Variants in DPYD observed in about 807,000 individuals in gnomAD.
DPYD encodes the protein dihydropyrimidine dehydrogenase [NADP(+)].
DPYD carries 109 observed loss-of-function variants against 116.2 expected under a neutral mutation model. The ratio of observed to expected loss-of-function variants is 0.94; its 90% CI spans 0.80 to 1.10. The LOEUF (loss-of-function observed/expected upper bound fraction) is 1.10. Ranked by LOEUF, DPYD falls within the 50% of genes least tolerant of loss-of-function variation. DPYD has a pLI of 0.00. For missense variants in DPYD, 1,302 were observed against 1,254.5 expected, an observed-to-expected ratio of 1.04 and a Z score of -0.57; for synonymous variants, 440 against 432.0, an observed-to-expected ratio of 1.02 and a Z score of -0.23.
chr1:97,786,340 T>C (rs1207259901), intron 3 of DPYD, among the ~76,000 whole-genome samples: 1 of 152,220 alleles, frequency 6.6e-6, no homozygotes, highest in East Asian at 1.9e-4. Context: ...ACAAGTGTGA[T>C]ATGTAAAAAT....
chr1:97,517,134 T>C (rs1046710298), intron 12 of DPYD, among the ~76,000 whole-genome samples: 1 of 152,060 alleles, frequency 6.6e-6, no homozygotes, highest in Non-Finnish European at 1.5e-5. Context: ...AACTTGTCAA[T>C]TGAAACACTA....
chr1:97,850,854 A>G (rs1670535857), intron 2 of DPYD, among the ~76,000 whole-genome samples: 1 of 152,116 alleles, frequency 6.6e-6, no homozygotes, highest in Admixed American at 6.5e-5. Flanking sequence ...TATATTAAAA[A>G]TCAAATCAAT....
At chr1:97,174,669 A>T (rs1401820969) in intron 20 of DPYD, among the ~76,000 whole-genome samples, 1 of 152,146 alleles carries the variant, frequency 6.6e-6, no homozygotes, top group South Asian at 2.1e-4. Context: ...TGTCTTTAGT[A>T]TTTCTTATAT....
At chr1:97,595,190 A>C in intron 8 of DPYD, 24 bp from the exon 9 acceptor site, 1 of 1,592,390 alleles carries the variant, frequency 6.3e-7, no homozygotes, top group Non-Finnish European at 8.6e-7. Flanking sequence ...TTTATAAAAT[A>C]TCATTAGCAG....
chr1:97,517,003 T>C (rs1488456746), intron 12 of DPYD, among the ~76,000 whole-genome samples: 7 of 152,126 alleles, frequency 4.6e-5, no homozygotes, highest in Non-Finnish European at 1.0e-4. Context: ...AGCAGAACTT[T>C]AATTTTATAG....
At chr1:97,542,885 T>C (rs747089345) in intron 12 of DPYD, among the ~76,000 whole-genome samples, 1 of 152,154 alleles carries the variant, frequency 6.6e-6, no homozygotes, top group Non-Finnish European at 1.5e-5. Context: ...ACCTAAAATA[T>C]CCTATTTCAA....
At chr1:97,808,190 G>A (rs1193755008) in intron 3 of DPYD, among the ~76,000 whole-genome samples, 1 of 152,040 alleles carries the variant, frequency 6.6e-6, no homozygotes, top group Non-Finnish European at 1.5e-5. Context: ...TGAATCTGTG[G>A]AACAATTTGG....
chr1:97,854,887 A>C (rs956020967), intron 2 of DPYD: 4 of 152,314 alleles, frequency 2.6e-5, no homozygotes, highest in Non-Finnish European at 5.9e-5. Context: ...AGCACTGGCC[A>C]AGCCTAGGAG....
intron 13 of DPYD, among the ~76,000 whole-genome samples, chr1:97,481,422 T>G (rs746133857): frequency 6.6e-6 from 1 of 152,206 alleles, no homozygotes; most frequent in Non-Finnish European, 1.5e-5. Context: ...TATATATACT[T>G]TTAAATGAGT....
intron 3 of DPYD, among the ~76,000 whole-genome samples, chr1:97,772,716 A>C (rs1666206721): frequency 6.6e-6 from 1 of 152,228 alleles, no homozygotes; most frequent in Non-Finnish European, 1.5e-5. Context: ...GGAAACTGGT[A>C]AGTAGAGGAG....
chr1:97,451,651 A>G (rs1676418311), intron 13 of DPYD, among the ~76,000 whole-genome samples: 1 of 152,148 alleles, frequency 6.6e-6, no homozygotes, highest in African/African-American at 2.4e-5. Flanking sequence ...ACGAAGCTCA[A>G]GCCTTGTGGG....
chr1:97,809,133 G>T (rs1175834682), intron 3 of DPYD, among the ~76,000 whole-genome samples: 1 of 152,140 alleles, frequency 6.6e-6, no homozygotes, highest in Non-Finnish European at 1.5e-5. Flanking sequence ...TTGAACAGAA[G>T]AGAAATATGA....
intron 2 of DPYD, among the ~76,000 whole-genome samples, chr1:97,843,075 C>A (rs937081096): frequency 6.6e-6 from 1 of 152,076 alleles, no homozygotes. Context: ...AGTCTCAAGC[C>A]TGAACAATCC....
chr1:97,466,060 C>T (rs1677305278), intron 13 of DPYD, among the ~76,000 whole-genome samples: 1 of 152,152 alleles, frequency 6.6e-6, no homozygotes, highest in African/African-American at 2.4e-5. Flanking sequence ...ATGATTGCAC[C>T]ACTGCACTCC....
At chr1:97,756,125 A>C (rs1665215924) in intron 3 of DPYD, among the ~76,000 whole-genome samples, 1 of 152,184 alleles carries the variant, frequency 6.6e-6, no homozygotes, top group Admixed American at 6.5e-5. Flanking sequence ...CAAGCCAACC[A>C]AGGGGGAACA....
At chr1:97,558,371 T>A (rs1197265080) in intron 11 of DPYD, among the ~76,000 whole-genome samples, 2 of 152,182 alleles carry the variant, frequency 1.3e-5, no homozygotes, top group African/African-American at 4.8e-5. Flanking sequence ...GTAGTATTTG[T>A]CCATTCCATT....
chr1:97,758,196 T>C (rs571291903), intron 3 of DPYD, among the ~76,000 whole-genome samples: 121 of 152,300 alleles, frequency 7.9e-4, no homozygotes, highest in Middle Eastern at 3.4e-3. Context: ...CAACAAATTA[T>C]ATAACCTTTA....
chr1:97,109,763 GATC>G (rs1190246230), intron 20 of DPYD, among the ~76,000 whole-genome samples: 1 of 152,036 alleles, frequency 6.6e-6, no homozygotes, highest in African/African-American at 2.4e-5. Flanking sequence ...GGAATGAAAT[GATC>G]ATCATTTTGA....
intron 18 of DPYD, among the ~76,000 whole-genome samples, chr1:97,301,484 A>T (rs577990865): frequency 1.3e-5 from 2 of 152,082 alleles, no homozygotes; most frequent in South Asian, 4.1e-4. Context: ...TCATTATTTC[A>T]ATTTAAGTGC....
Sources: allele counts gnomAD v4.1 joint callset (sites outside exome capture counted in the v4.1 genomes callset), GRCh38; gene constraint gnomAD v4.1.1; transcripts MANE v1.5; gene names NCBI Gene and HGNC (gene_info 2026-07-23, HGNC 2026-07-21).